WWOX: variants seen among roughly 807,000 people sequenced by gnomAD.
WWOX encodes the protein WW domain-containing oxidoreductase.
A neutral mutation model predicts 46.2 loss-of-function variants in WWOX; 69 were observed. The observed-to-expected ratio is 1.49, with a 90% confidence interval of 1.23 to 1.82. The LOEUF (loss-of-function observed/expected upper bound fraction) is 1.82, where lower values mean the gene tolerates loss of function less well. Among genes scored for constraint, WWOX ranks in the 40% most tolerant of loss-of-function variants. The pLI is 0.00. For synonymous variants in WWOX, 359 were observed against 202.6 expected (o/e 1.77, Z -6.56); for missense variants, 919 against 542.6 (o/e 1.69, Z -6.89).
intron 8 of WWOX, chr16:79,089,989 C>T (rs939405938): frequency 1.3e-5 from 2 of 150,654 alleles, no homozygotes; most frequent in South Asian, 4.2e-4. Flanking sequence ...GGCCGGCGAG[C>T]TTCAGGACCT....
At chr16:79,016,611 TG>T (rs1020250246) in intron 8 of WWOX, 1 of 152,212 alleles carries the variant, frequency 6.6e-6, no homozygotes, top group African/African-American at 2.4e-5. Flanking sequence ...TTAGTAGAGA[TG>T]GGGTTTTGCC....
chr16:78,299,684 T>C (rs565450202), intron 5 of WWOX, among the ~76,000 whole-genome samples: 2 of 152,012 alleles, frequency 1.3e-5, no homozygotes, highest in South Asian at 4.2e-4. Context: ...TGTGCCACCA[T>C]GCCCGCCTAA....
intron 8 of WWOX, among the ~76,000 whole-genome samples, chr16:79,191,256 G>T (rs993361674): frequency 6.6e-6 from 1 of 151,608 alleles, no homozygotes; most frequent in Non-Finnish European, 1.5e-5. Context: ...GGGTTTCACC[G>T]TGTTGCCCAG....
chr16:78,527,079 G>A (rs12444416), intron 8 of WWOX, among the ~76,000 whole-genome samples: 5,954 of 152,094 alleles, frequency 0.039, 247 homozygotes, highest in African/African-American at 0.11. Flanking sequence ...CAGGAGAATC[G>A]CTTGAACCCA....
rs1332207130 is a variant in WWOX at position 78,349,987 on chromosome 16, T to C, written c.517-36873T>C. 1.6e-5 allele frequency among the ~76,000 whole-genome samples: 2 copies of C among 121,654 alleles called. 1 individual carries two copies. The highest frequency in any genetic ancestry group is 1.6e-4 in the Admixed American group (2 of 12,504). The allele number at this position is 121,654 out of a possible 152,430, so 79.8% of individuals were successfully genotyped here. A position where few individuals can be genotyped will look rare whatever the true frequency, so the allele number is the denominator to read the frequency against. Reference sequence around the variant, plus strand: ...CATACCATACATATGCCTGCATTTGTACACTCTTAAGCCAAATAACATCGT... The same window carrying C: ...CATACCATACATATGCCTGCATTTGCACACTCTTAAGCCAAATAACATCGT... On this transcript the variant is annotated intron_variant, in intron 5 of 8. Coordinates refer to ENST00000566780, the MANE Select transcript of WWOX (RefSeq NM_016373.4).
chr16:78,729,216 C>G (rs987180412), intron 8 of WWOX, among the ~76,000 whole-genome samples: 16 of 151,844 alleles, frequency 1.1e-4, no homozygotes, highest in African/African-American at 3.1e-4. Context: ...GTGGTGCATG[C>G]CTGTTGTCCC....
At chr16:78,578,866 G>T (rs1232498654) in intron 8 of WWOX, among the ~76,000 whole-genome samples, 2 of 152,192 alleles carry the variant, frequency 1.3e-5, no homozygotes, top group Non-Finnish European at 2.9e-5. Context: ...CTGTGAACAG[G>T]TTAATGGGAA....
chr16:78,544,522 C>T (rs540348999), intron 8 of WWOX, among the ~76,000 whole-genome samples: 1 of 152,216 alleles, frequency 6.6e-6, no homozygotes, highest in East Asian at 1.9e-4. Flanking sequence ...AATTCCCATG[C>T]AGAACTGTGT....
chr16:78,979,114 A>C (rs538105886), intron 8 of WWOX, among the ~76,000 whole-genome samples: 1 of 148,670 alleles, frequency 6.7e-6, no homozygotes, highest in African/African-American at 2.5e-5. Context: ...ATACAGACAC[A>C]GGAAGTATAT....
At position 78,709,089 on chromosome 16, in the gene WWOX, C is replaced by T. The variant is rs542971302; in HGVS notation, c.1056+276337C>T. Among the ~76,000 whole-genome samples, 11 of 152,238 alleles carry T rather than the reference C, an allele frequency of 7.2e-5. No homozygotes were observed. In the South Asian group the frequency reaches 1.2e-3, roughly 17 times the overall value. On this transcript the variant is annotated intron_variant, in intron 8 of 8. Coordinates refer to ENST00000566780, the MANE Select transcript of WWOX (RefSeq NM_016373.4). The stretch of plus-strand genomic sequence containing the variant: ...GACATCATTCATCTGAAAGGTTTAT[C>T]GCCCTGCGTGTCATTTTGAAGTTCC...
At chr16:79,057,689 C>T (rs536200147) in intron 8 of WWOX, among the ~76,000 whole-genome samples, 29 of 152,244 alleles carry the variant, frequency 1.9e-4, no homozygotes, top group African/African-American at 6.7e-4. Context: ...TATGGTATTA[C>T]AGGCTAGCAC....
chr16:78,707,402 C>A (rs1288906950), intron 8 of WWOX, among the ~76,000 whole-genome samples: 1 of 152,186 alleles, frequency 6.6e-6, no homozygotes, highest in Non-Finnish European at 1.5e-5. Context: ...TCACCAGGAG[C>A]ATTGCTCCTT....
chr16:79,168,026 C>G (rs2050628377), intron 8 of WWOX, among the ~76,000 whole-genome samples: 1 of 152,116 alleles, frequency 6.6e-6, no homozygotes, highest in Non-Finnish European at 1.5e-5. Flanking sequence ...ATGCTGTTTC[C>G]AAGGCTTGTC....
chr16:78,937,694 G>A (rs776400062), intron 8 of WWOX, among the ~76,000 whole-genome samples: 4 of 151,418 alleles, frequency 2.6e-5, no homozygotes, highest in Non-Finnish European at 4.4e-5. Flanking sequence ...GCATGACCTC[G>A]GCTTACTGCA....
At chr16:78,128,568 A>G (rs1406514863) in intron 4 of WWOX, among the ~76,000 whole-genome samples, 2 of 152,150 alleles carry the variant, frequency 1.3e-5, no homozygotes, top group African/African-American at 4.8e-5. Flanking sequence ...TTAGATACTG[A>G]TTGGGGATTC....
chr16:78,758,110 A>T (rs990478135), intron 8 of WWOX, among the ~76,000 whole-genome samples: 2 of 152,176 alleles, frequency 1.3e-5, no homozygotes, highest in African/African-American at 4.8e-5. Context: ...TTTTTCTTTA[A>T]ATCAATTCAT....
chr16:78,854,672 C>T (rs1255191246), intron 8 of WWOX, among the ~76,000 whole-genome samples: 1 of 152,202 alleles, frequency 6.6e-6, no homozygotes, highest in Admixed American at 6.5e-5. Context: ...CCTCCGCCTC[C>T]CGGGTTCAAG....
chr16:78,585,229 C>A (rs1382474287), intron 8 of WWOX, among the ~76,000 whole-genome samples: 1 of 152,188 alleles, frequency 6.6e-6, no homozygotes, highest in Non-Finnish European at 1.5e-5. Context: ...AAAATGTAAT[C>A]TGCAAACTCA....
chr16:79,008,488 C>A (rs956122353), intron 8 of WWOX, among the ~76,000 whole-genome samples: 1 of 152,140 alleles, frequency 6.6e-6, no homozygotes, highest in Non-Finnish European at 1.5e-5. Flanking sequence ...AGTTGCCGCC[C>A]ACACTCAAGA....
Sources: gnomAD v4.1 joint callset for allele counts (sites outside exome capture counted in the v4.1 genomes callset) on GRCh38, gnomAD v4.1.1 for gene constraint, MANE v1.5 for transcripts, NCBI Gene and HGNC (gene_info 2026-07-23, HGNC 2026-07-21) for gene names.